The following ADAM10 variants were observed in gnomAD, a reference collection of about 807,000 sequenced individuals.
The protein encoded by ADAM10 is ADAM metallopeptidase domain 10.
A neutral mutation model predicts 90.1 loss-of-function variants in ADAM10; 17 were observed. The ratio of observed to expected loss-of-function variants is 0.19; its 90% CI spans 0.13 to 0.28. The LOEUF (loss-of-function observed/expected upper bound fraction) is 0.28, where lower values mean the gene tolerates loss of function less well. Among genes scored for constraint, ADAM10 ranks in the 10% least tolerant of loss-of-function variants. ADAM10 has a pLI of 1.00. For synonymous variants in ADAM10, 310 were observed against 298.6 expected, an observed-to-expected ratio of 1.04 and a Z score of -0.40; for missense variants, 610 against 914.3, an observed-to-expected ratio of 0.67 and a Z score of 4.29.
chr15:58,693,706 T>A (rs4775089), intron 2 of ADAM10, among the ~76,000 whole-genome samples: 4 of 150,058 alleles, frequency 2.7e-5, no homozygotes, highest in East Asian at 1.9e-4. Context: ...AAGAAAAAAA[T>A]TTTTTCATTA....
chr15:58,613,743 T>C (rs189484279), intron 11 of ADAM10, among the ~76,000 whole-genome samples: 1 of 152,110 alleles, frequency 6.6e-6, no homozygotes, highest in African/African-American at 2.4e-5. Flanking sequence ...AAATTACTCA[T>C]TTAGGGGAAG....
At chr15:58,701,170 T>C (rs772349969) in intron 2 of ADAM10, among the ~76,000 whole-genome samples, 5 of 151,676 alleles carry the variant, frequency 3.3e-5, no homozygotes, top group African/African-American at 4.8e-5. Context: ...GCCTGTTGAA[T>C]AGAAGAAAAT....
intron 10 of ADAM10, 78 bp downstream of exon 10, chr15:58,627,622 G>C: frequency 3.1e-6 from 4 of 1,304,138 alleles, no homozygotes; most frequent in Non-Finnish European, 3.3e-6. Context: ...GGGTATGTCA[G>C]TAATCACTAT....
intron 7 of ADAM10, among the ~76,000 whole-genome samples, chr15:58,643,066 A>ATTTT (rs200392557): frequency 2.0e-5 from 3 of 151,486 alleles, no homozygotes; most frequent in Non-Finnish European, 2.9e-5. Flanking sequence ...TGAAAGGATG[A>ATTTT]TTTTTTTTTA....
intron 7 of ADAM10, among the ~76,000 whole-genome samples, chr15:58,641,605 T>C (rs1298265890): frequency 6.6e-6 from 1 of 152,232 alleles, no homozygotes; most frequent in African/African-American, 2.4e-5. Flanking sequence ...TTTTGATACT[T>C]AGCTACTATA....
At chr15:58,620,102 G>A (rs1341885300) in intron 11 of ADAM10, among the ~76,000 whole-genome samples, 2 of 151,954 alleles carry the variant, frequency 1.3e-5, no homozygotes, top group Admixed American at 6.6e-5. Context: ...TCACACATTA[G>A]TTAATTTATC....
In ADAM10 at chr15:58,596,635, CATA is replaced by C. The variant is rs1214032212; in HGVS notation, c.*909_*911del. On this transcript the variant is annotated 3_prime_UTR_variant, in exon 16 of 16. Transcript: ENST00000260408. ...CAAATAAAAAGAATCATTTCATTGA[CATA>C]ATTTCTATCAAAGCATGAATAAAAT... The C allele has an allele frequency of 3.3e-5, 5 of 152,438 alleles. 1 individual carries two copies. Among genetic ancestry groups the C allele is most frequent in the Admixed American group, 3.3e-4 (5 of 15,276 alleles). The allele number at this position is 152,438 out of a possible 1,614,324, so 9.4% of individuals were successfully genotyped here.
chr15:58,682,161 A>T, intron 3 of ADAM10, 35 bp downstream of exon 3: 4 of 1,603,880 alleles, frequency 2.5e-6, no homozygotes, highest in South Asian at 2.2e-5. Flanking sequence ...AAAAAAAAAA[A>T]TGGAAGAAAA....
chr15:58,719,116 G>A (rs966435064), intron 1 of ADAM10, among the ~76,000 whole-genome samples: 1 of 152,164 alleles, frequency 6.6e-6, no homozygotes, highest in East Asian at 1.9e-4. Context: ...CTAAGGTCAG[G>A]AGTTCGAGAC....
chr15:58,731,910 G>A (rs541857279), intron 1 of ADAM10, among the ~76,000 whole-genome samples: 2 of 152,298 alleles, frequency 1.3e-5, no homozygotes, highest in East Asian at 3.9e-4. Flanking sequence ...ACACACATGT[G>A]AGTCATGGGG....
At chr15:58,702,455 G>C (rs1247553190) in intron 2 of ADAM10, among the ~76,000 whole-genome samples, 2 of 152,120 alleles carry the variant, frequency 1.3e-5, no homozygotes, top group Non-Finnish European at 1.5e-5. Context: ...AAAAAAAGAG[G>C]ACTTGAAATG....
intron 1 of ADAM10, among the ~76,000 whole-genome samples, chr15:58,729,434 G>A (rs1461254373): frequency 1.3e-5 from 2 of 152,188 alleles, no homozygotes; most frequent in African/African-American, 4.8e-5. Context: ...GAAAGTGTTA[G>A]CAATGCAGAA....
chr15:58,665,245 A>G (rs1486387820), intron 4 of ADAM10, 48 bp from the exon 5 acceptor site: 4 of 1,344,478 alleles, frequency 3.0e-6, no homozygotes, highest in Non-Finnish European at 4.3e-6. Context: ...TTTAGGTATA[A>G]CCAATTATAA....
chr15:58,673,597 G>A (rs965016802), intron 4 of ADAM10, among the ~76,000 whole-genome samples: 7 of 151,702 alleles, frequency 4.6e-5, no homozygotes, highest in African/African-American at 1.5e-4. Context: ...AAAAGAACTT[G>A]ATCTAAAATT....
chr15:58,655,669 C>CATATATATATTATATATAGTATATATAT (rs1896790166), intron 5 of ADAM10, among the ~76,000 whole-genome samples: 1 of 110,722 alleles, frequency 9.0e-6, no homozygotes, highest in South Asian at 2.9e-4. Context: ...TACATACATA[C>CATATATATATTATATATAGTATATATAT]ATACATACAT....
chr15:58,598,080 G>A (rs1336289860), intron 15 of ADAM10, among the ~76,000 whole-genome samples: 1 of 152,254 alleles, frequency 6.6e-6, no homozygotes, highest in East Asian at 1.9e-4. Flanking sequence ...ATTACTAAGT[G>A]TCTTTGAGCA....
chr15:58,709,878 A>G (rs1898417857), intron 2 of ADAM10, among the ~76,000 whole-genome samples: 1 of 152,210 alleles, frequency 6.6e-6, no homozygotes, highest in Admixed American at 6.5e-5. Context: ...TCTTACTTCC[A>G]TACCCTTTTC....
intron 1 of ADAM10, chr15:58,747,391 T>C (rs891887217): frequency 2.6e-5 from 4 of 152,154 alleles, no homozygotes; most frequent in Non-Finnish European, 2.9e-5. Context: ...TACCTGAAAA[T>C]GATTTACATT....
intron 2 of ADAM10, among the ~76,000 whole-genome samples, chr15:58,702,302 T>C (rs1163742758): frequency 2.0e-5 from 3 of 151,678 alleles, no homozygotes; most frequent in Non-Finnish European, 4.4e-5. Context: ...CAAGGGTGAG[T>C]GGGTGGGGCT....
Sources: gnomAD v4.1 joint callset for allele counts (sites outside exome capture counted in the v4.1 genomes callset) on GRCh38, gnomAD v4.1.1 for gene constraint, MANE v1.5 for transcripts, NCBI Gene and HGNC (gene_info 2026-07-23, HGNC 2026-07-21) for gene names.